ZBTB20: variants seen among roughly 807,000 people sequenced by gnomAD.
The protein encoded by ZBTB20 is zinc finger and BTB domain-containing protein 20.
ZBTB20 carries 9 observed loss-of-function variants against 56.9 expected under a neutral mutation model. The observed-to-expected ratio is 0.16, with a 90% CI of 0.10 to 0.28. The LOEUF (loss-of-function observed/expected upper bound fraction) is 0.28, where lower values mean the gene tolerates loss of function less well. ZBTB20 is among the 10% of genes least tolerant of loss of function. The pLI is 1.00. For synonymous variants in ZBTB20, 417 were observed against 420.7 expected (o/e 0.99, Z 0.11); for missense variants, 655 against 1,003.0 (o/e 0.65, Z 4.69).
intron 4 of ZBTB20, among the ~76,000 whole-genome samples, chr3:114,858,877 G>A (rs914397619): frequency 2.1e-4 from 32 of 151,948 alleles, no homozygotes; most frequent in Non-Finnish European, 3.8e-4. Flanking sequence ...CTGTTGTGAT[G>A]TCCTACTACT....
chr3:114,513,304 ACAC>A (rs2045617076), intron 6 of ZBTB20, among the ~76,000 whole-genome samples: 1 of 152,200 alleles, frequency 6.6e-6, no homozygotes, highest in African/African-American at 2.4e-5. Flanking sequence ...TACGTACATG[ACAC>A]CAATCAATCC....
chr3:114,753,432 T>TATATAC lies in ZBTB20; in HGVS notation c.-343+47668_-343+47669insGTATAT, dbSNP rs1205435166. On this transcript the variant is annotated intron_variant, in intron 5 of 11. Coordinates refer to ENST00000675478, the MANE Select transcript of ZBTB20 (RefSeq NM_001348800.3). ...ACACACGTATATATATATATATATA[T>TATATAC]ACACACACACTTTTTTTTTTGAGAC... Among the ~76,000 whole-genome samples, 2 of 43,532 alleles carry TATATAC rather than the reference T, an allele frequency of 4.6e-5. 1 individual carries two copies. The highest frequency in any genetic ancestry group is 1.1e-4 in the Non-Finnish European group (2 of 18,494). The allele number at this position is 43,532 out of a possible 152,430, so 28.6% of individuals were successfully genotyped here.
At chr3:114,780,638 C>A (rs184515876) in intron 5 of ZBTB20, among the ~76,000 whole-genome samples, 3 of 152,128 alleles carry the variant, frequency 2.0e-5, no homozygotes, top group Non-Finnish European at 2.9e-5. Context: ...CAGACATGCA[C>A]CACCATGCCC....
intron 5 of ZBTB20, among the ~76,000 whole-genome samples, chr3:114,768,560 A>G (rs2068946691): frequency 6.6e-6 from 1 of 152,158 alleles, no homozygotes; most frequent in Admixed American, 6.6e-5. Flanking sequence ...ATAAACAATA[A>G]TAAACTAATT....
chr3:114,853,966 GTTTTC>G (rs2075125570), intron 4 of ZBTB20, among the ~76,000 whole-genome samples: 1 of 152,168 alleles, frequency 6.6e-6, no homozygotes, highest in South Asian at 2.1e-4. Flanking sequence ...TGTTTAAGCA[GTTTTC>G]TTTTAAACTT....
intron 10 of ZBTB20, among the ~76,000 whole-genome samples, chr3:114,365,940 G>A (rs375712955): frequency 4.6e-5 from 7 of 151,982 alleles, no homozygotes; most frequent in Non-Finnish European, 7.4e-5. Context: ...AAAAATAATC[G>A]GGTAAAAAAT....
intron 6 of ZBTB20, among the ~76,000 whole-genome samples, chr3:114,632,489 A>T (rs2059013735): frequency 6.6e-6 from 1 of 152,030 alleles, no homozygotes; most frequent in African/African-American, 2.4e-5. Flanking sequence ...TTCTGCTATG[A>T]CCCACTATAC....
At chr3:115,010,478 C>G (rs984159947) in intron 2 of ZBTB20, among the ~76,000 whole-genome samples, 2 of 151,900 alleles carry the variant, frequency 1.3e-5, no homozygotes, top group African/African-American at 4.8e-5. Flanking sequence ...TGGGAGAAAA[C>G]AAGGAAAGAG....
intron 6 of ZBTB20, among the ~76,000 whole-genome samples, chr3:114,655,880 A>C (rs1296370811): frequency 6.6e-6 from 1 of 152,234 alleles, no homozygotes; most frequent in Non-Finnish European, 1.5e-5. Flanking sequence ...AAAGAATAAA[A>C]GGATATTCTT....
chr3:114,683,411 GAGA>G (rs766505722), intron 6 of ZBTB20, among the ~76,000 whole-genome samples: 12 of 151,998 alleles, frequency 7.9e-5, no homozygotes, highest in Non-Finnish European at 1.2e-4. Context: ...GTCAACAGTA[GAGA>G]AGAAGTTGCT....
chr3:114,694,558 T>A (rs1350005817), intron 5 of ZBTB20, among the ~76,000 whole-genome samples: 1 of 152,024 alleles, frequency 6.6e-6, no homozygotes, highest in Non-Finnish European at 1.5e-5. Context: ...CTATAGAATT[T>A]TTTTTATAGT....
At chr3:114,635,785 G>A (rs1266993120) in intron 6 of ZBTB20, among the ~76,000 whole-genome samples, 1 of 151,828 alleles carries the variant, frequency 6.6e-6, no homozygotes, top group Non-Finnish European at 1.5e-5. Flanking sequence ...TGAAAAGTGA[G>A]GAAAGCCTAA....
chr3:115,109,087 G>A (rs2083802183), intron 1 of ZBTB20, among the ~76,000 whole-genome samples: 1 of 152,124 alleles, frequency 6.6e-6, no homozygotes, highest in African/African-American at 2.4e-5. Context: ...CCTGGCTCCA[G>A]AACAACGTAT....
intron 4 of ZBTB20, among the ~76,000 whole-genome samples, chr3:114,818,321 A>C (rs1184955122): frequency 6.6e-6 from 1 of 152,124 alleles, no homozygotes; most frequent in African/African-American, 2.4e-5. Flanking sequence ...AAAAACTCTG[A>C]AAGTTTTCTT....
chr3:114,556,765 C>T (rs957386207), intron 6 of ZBTB20, among the ~76,000 whole-genome samples: 5 of 151,986 alleles, frequency 3.3e-5, no homozygotes, highest in Non-Finnish European at 7.4e-5. Context: ...ACTTAAGACA[C>T]TTTCCTGAGA....
intron 10 of ZBTB20, among the ~76,000 whole-genome samples, chr3:114,368,292 AT>A (rs964370727): frequency 6.6e-6 from 1 of 152,224 alleles, no homozygotes; most frequent in Non-Finnish European, 1.5e-5. Flanking sequence ...TAAGTAGACC[AT>A]GGGGGTGAGA....
chr3:114,676,771 ATTTT>A (rs397873968), intron 6 of ZBTB20, among the ~76,000 whole-genome samples: 7 of 123,322 alleles, frequency 5.7e-5, no homozygotes, highest in African/African-American at 1.5e-4. Context: ...GAACTAGGGG[ATTTT>A]TTTTTTTTTT....
chr3:114,820,704 T>C (rs751979707), intron 4 of ZBTB20, among the ~76,000 whole-genome samples: 3 of 152,140 alleles, frequency 2.0e-5, no homozygotes, highest in Non-Finnish European at 2.9e-5. Context: ...TGAATCTCCA[T>C]ACTTTTGTGC....
At chr3:114,517,773 A>C (rs1180470541) in intron 6 of ZBTB20, among the ~76,000 whole-genome samples, 1 of 151,928 alleles carries the variant, frequency 6.6e-6, no homozygotes, top group Non-Finnish European at 1.5e-5. Flanking sequence ...ATGGGATTTC[A>C]CCATCTTGGC....
Sources: allele counts gnomAD v4.1 joint callset (sites outside exome capture counted in the v4.1 genomes callset), GRCh38; gene constraint gnomAD v4.1.1; transcripts MANE v1.5; gene names NCBI Gene and HGNC (gene_info 2026-07-23, HGNC 2026-07-21).